The following ORC4 variants were observed in gnomAD, a reference collection of about 807,000 sequenced individuals.
The protein encoded by ORC4 is origin recognition complex, subunit 4 homolog.
In ORC4, 55 loss-of-function variants were observed where a neutral mutation model predicts 63.9. That is an observed-to-expected ratio of 0.86 (90% confidence interval 0.69 to 1.08). The LOEUF (loss-of-function observed/expected upper bound fraction) is 1.08, where lower values mean the gene tolerates loss of function less well. Among genes scored for constraint, ORC4 ranks in the 50% least tolerant of loss-of-function variants. ORC4 has a pLI of 0.00. For missense variants in ORC4, 511 were observed against 504.4 expected (o/e 1.01, Z -0.13); for synonymous variants, 150 against 168.5 (o/e 0.89, Z 0.85).
chr2:147,939,768 T>C (rs959828846), intron 10 of ORC4, among the ~76,000 whole-genome samples: 1 of 152,098 alleles, frequency 6.6e-6, no homozygotes, highest in African/African-American at 2.4e-5. Flanking sequence ...ACAGTCTCCT[T>C]CTCTTGTGCT....
chr2:148,021,254 C>T (rs1018435067), upstream of ORC4: 4 of 284,632 alleles, frequency 1.4e-5, no homozygotes, highest in Non-Finnish European at 2.8e-5. Context: ...AGTTCCTTCC[C>T]CCACCCTCCA....
chr2:147,953,157 C>T (rs184538004), intron 7 of ORC4, among the ~76,000 whole-genome samples: 3 of 149,750 alleles, frequency 2.0e-5, no homozygotes, highest in Admixed American at 2.0e-4. Flanking sequence ...TGGTAAAACC[C>T]CATCTCTGCT....
chr2:147,980,372 T>A (rs1191149389), intron 1 of ORC4, among the ~76,000 whole-genome samples: 3 of 152,128 alleles, frequency 2.0e-5, no homozygotes, highest in Admixed American at 2.0e-4. Context: ...TATACGCTAA[T>A]ACCATGCCAA....
rs1268076503 is a variant in ORC4, at chr2:147,934,046, T to C, written c.*1464A>G. On this transcript the variant is annotated 3_prime_UTR_variant, in exon 14 of 14. Transcript: ENST00000392857. ...CTTAGAGCATACTTTAAAAACTATT[T>C]GGTAAGGAATCCACTGTTGAACTTC... 1.3e-5 allele frequency: 2 copies of C among 152,192 alleles called. No homozygotes were observed. Among genetic ancestry groups the C allele is most frequent in the Admixed American group, 6.6e-5 (1 of 15,260 alleles). 9.4% of individuals were successfully genotyped at this position (152,192 alleles called of 1,614,324 possible). A position where few individuals can be genotyped will look rare whatever the true frequency, so the allele number is the denominator to read the frequency against.
chr2:147,970,564 A>G (rs1435218182), intron 4 of ORC4, among the ~76,000 whole-genome samples: 1 of 149,262 alleles, frequency 6.7e-6, no homozygotes, highest in Non-Finnish European at 1.5e-5. Flanking sequence ...AAAGAAGCAA[A>G]GGCAATTCAA....
intron 5 of ORC4, chr2:147,958,584 C>A (rs540241038): frequency 9.0e-5 from 50 of 555,742 alleles, no homozygotes; most frequent in Non-Finnish European, 1.1e-4. Flanking sequence ...AAAAAAAAAA[C>A]CAAAAAACCC....
chr2:147,946,082 A>C (rs1163335219), intron 9 of ORC4, among the ~76,000 whole-genome samples: 2 of 152,144 alleles, frequency 1.3e-5, no homozygotes, highest in African/African-American at 4.8e-5. Context: ...AAGTCCAGAA[A>C]GTAGATTAGT....
At chr2:148,019,306 C>A (rs956640228) in intron 1 of ORC4, among the ~76,000 whole-genome samples, 12 of 152,152 alleles carry the variant, frequency 7.9e-5, no homozygotes, top group Admixed American at 2.0e-4. Context: ...AGAACCTACA[C>A]CGGCCGGGCG....
intron 1 of ORC4, among the ~76,000 whole-genome samples, chr2:148,012,912 T>C (rs971857488): frequency 6.6e-6 from 1 of 152,184 alleles, no homozygotes; most frequent in Non-Finnish European, 1.5e-5. Context: ...CCAGTTAAAA[T>C]GGCTTTTATC....
chr2:148,014,219 T>G (rs968993511), intron 1 of ORC4, among the ~76,000 whole-genome samples: 4 of 152,034 alleles, frequency 2.6e-5, no homozygotes, highest in African/African-American at 9.7e-5. Context: ...AAAATAAAAA[T>G]AAAAGCACAT....
intron 4 of ORC4, among the ~76,000 whole-genome samples, chr2:147,965,255 C>A (rs1183895843): frequency 6.6e-6 from 1 of 151,734 alleles, no homozygotes; most frequent in African/African-American, 2.4e-5. Context: ...AACCAGAAAA[C>A]AATCACTAAA....
chr2:148,016,284 G>C lies in ORC4; in HGVS notation c.-18+4349C>G, dbSNP rs374452049. Among the ~76,000 whole-genome samples, 26 of 152,256 alleles carry C rather than the reference G, an allele frequency of 1.7e-4. No homozygotes were observed. In the East Asian group the frequency reaches 3.3e-3, roughly 19 times the overall value. ...AAGAAGCTCCAAAGCACTTCCCAAA[G>C]CCAAACTTGCACCAAAAAAGGCCAT... On this transcript the variant is annotated intron_variant, in intron 1 of 13. Transcript: ENST00000392857.
At position 147,932,492 on chromosome 2, in the gene ORC4, C is replaced by G. The variant is rs1687825994; in HGVS notation, c.*3018G>C. The stretch of plus-strand genomic sequence containing the variant: ...TGGAACCAAAAAAGAGCCCACATCG[C>G]CAAGGCAATCCTAAGCTATGTGTTC... On this transcript the variant is annotated 3_prime_UTR_variant, in exon 14 of 14. Transcript: ENST00000392857. The G allele has an allele frequency of 6.6e-6, 1 of 152,120 alleles. No individual in the cohort carries two copies. The highest frequency in any genetic ancestry group is 6.6e-5 in the Admixed American group (1 of 15,262). 9.4% of individuals were successfully genotyped at this position (152,120 alleles called of 1,614,324 possible).
intron 13 of ORC4, 184 bp downstream of exon 13, chr2:147,937,962 T>C (rs1453400325): frequency 3.2e-6 from 2 of 626,798 alleles, no homozygotes; most frequent in East Asian, 2.8e-5. Context: ...CTCCACAAAC[T>C]AAAACAACCG....
chr2:147,996,626 A>T (rs1691991645), intron 1 of ORC4, among the ~76,000 whole-genome samples: 1 of 152,212 alleles, frequency 6.6e-6, no homozygotes, highest in African/African-American at 2.4e-5. Flanking sequence ...ACCAAATAAG[A>T]TACAGAGGTG....
chr2:147,988,510 A>G lies in ORC4; in HGVS notation c.-17-12535T>C, dbSNP rs146388095. ...GGAGCTGGGATTACAGGCATGTGCC[A>G]CCATGCCTGGCTAATTTTTGCATTT... is the stretch of plus-strand genomic sequence containing the variant. On this transcript the variant is annotated intron_variant, in intron 1 of 13. Coordinates refer to ENST00000392857, the MANE Select transcript of ORC4 (RefSeq NM_181741.4). 1.7e-3 allele frequency among the ~76,000 whole-genome samples: 255 copies of G among 151,968 alleles called. 2 individuals carry two copies. The highest frequency in any genetic ancestry group is 5.9e-3 in the African/African-American group (243 of 41,464).
intron 6 of ORC4, among the ~76,000 whole-genome samples, chr2:147,956,777 C>T (rs545691359): frequency 6.6e-6 from 1 of 151,818 alleles, no homozygotes; most frequent in East Asian, 1.9e-4. Flanking sequence ...ATAATAATAG[C>T]GAAGATTAGA....
chr2:148,008,091 C>T (rs554941991), intron 1 of ORC4, among the ~76,000 whole-genome samples: 1 of 152,266 alleles, frequency 6.6e-6, no homozygotes, highest in South Asian at 2.1e-4. Flanking sequence ...GAAGACTCTC[C>T]TAGACTAATA....
chr2:148,017,710 T>G (rs999564591), intron 1 of ORC4, among the ~76,000 whole-genome samples: 2 of 152,178 alleles, frequency 1.3e-5, no homozygotes, highest in Non-Finnish European at 2.9e-5. Flanking sequence ...AAAATAATAA[T>G]TTAATAATTT....
Sources: gnomAD v4.1 joint callset for allele counts (sites outside exome capture counted in the v4.1 genomes callset) on GRCh38, gnomAD v4.1.1 for gene constraint, MANE v1.5 for transcripts, NCBI Gene and HGNC (gene_info 2026-07-23, HGNC 2026-07-21) for gene names.